The following EZH2 variants were observed in gnomAD, a reference collection of about 807,000 sequenced individuals.
The protein encoded by EZH2 is histone-lysine N-methyltransferase EZH2.
Under a neutral mutation model 98.4 loss-of-function variants are expected in EZH2, and 18 were observed. The ratio of observed to expected loss-of-function variants is 0.18; its 90% CI spans 0.13 to 0.27. EZH2 has a LOEUF of 0.27. Among genes scored for constraint, EZH2 ranks in the 10% least tolerant of loss-of-function variants. EZH2 has a pLI of 1.00. For synonymous variants in EZH2, 338 were observed against 312.3 expected (o/e 1.08, Z -0.87); for missense variants, 470 against 935.1 (o/e 0.50, Z 6.49).
chr7:148,829,959 A>G (rs1808874430), intron 4 of EZH2, 111 bp from the exon 5 acceptor site: 2 of 708,302 alleles, frequency 2.8e-6, no homozygotes, highest in South Asian at 6.0e-5. Flanking sequence ...AGTTCTCCAG[A>G]TTTAAAATAC....
At chr7:148,864,307 G>A (rs1818121250) in intron 1 of EZH2, among the ~76,000 whole-genome samples, 2 of 152,124 alleles carry the variant, frequency 1.3e-5, no homozygotes, top group South Asian at 2.1e-4. Context: ...ACCAACTGAA[G>A]AACTGAACTA....
chr7:148,864,481 G>C (rs1182544965), intron 1 of EZH2, among the ~76,000 whole-genome samples: 3 of 152,090 alleles, frequency 2.0e-5, no homozygotes, highest in Admixed American at 2.0e-4. Context: ...CCAGGAGTTT[G>C]AGACCAGCCT....
intron 8 of EZH2, among the ~76,000 whole-genome samples, chr7:148,821,846 G>GTA (rs936647951): frequency 1.1e-4 from 16 of 151,998 alleles, no homozygotes; most frequent in African/African-American, 3.1e-4. Flanking sequence ...ATGTGTGTAT[G>GTA]TATATATATC....
intron 1 of EZH2, among the ~76,000 whole-genome samples, chr7:148,881,037 T>C (rs531437502): frequency 6.6e-6 from 1 of 152,376 alleles, no homozygotes; most frequent in African/African-American, 2.4e-5. Context: ...TCTCTGAATT[T>C]AATGAATTGC....
chr7:148,811,079 CTCCCTGTTG>C (rs1489583825), intron 16 of EZH2, among the ~76,000 whole-genome samples: 1 of 152,104 alleles, frequency 6.6e-6, no homozygotes, highest in African/African-American at 2.4e-5. Flanking sequence ...AGCTCTTGTT[CTCCCTGTTG>C]TCCCTAGACG....
At chr7:148,836,368 T>C (rs544339094) in intron 3 of EZH2, among the ~76,000 whole-genome samples, 1 of 152,336 alleles carries the variant, frequency 6.6e-6, no homozygotes. Context: ...CTTTCATTTA[T>C]GAAATATTCA....
chr7:148,829,622 C>T, intron 5 of EZH2, 106 bp downstream of exon 5: 1 of 1,289,638 alleles, frequency 7.8e-7, no homozygotes, highest in Non-Finnish European at 1.1e-6. Context: ...CAGTGCAAAA[C>T]TTAATTTTAA....
At chr7:148,860,984 T>C (rs895142810) in intron 1 of EZH2, among the ~76,000 whole-genome samples, 1 of 152,042 alleles carries the variant, frequency 6.6e-6, no homozygotes, top group African/African-American at 2.4e-5. Context: ...GTTTTTTATT[T>C]TTATTAAAAA....
intron 8 of EZH2, among the ~76,000 whole-genome samples, chr7:148,825,932 T>C (rs1807560709): frequency 6.6e-6 from 1 of 152,214 alleles, no homozygotes; most frequent in Non-Finnish European, 1.5e-5. Context: ...AAAAGTATTT[T>C]TGTATATACC....
rs900448345 is a variant in EZH2 at position 148,817,527 on chromosome 7, T to C, written c.1241-136A>G. 4.3e-5 allele frequency: 35 copies of C among 822,016 alleles called. No individual in the cohort carries two copies. In the Admixed American group the frequency reaches 1.0e-3, roughly 24 times the overall value. 50.9% of individuals were successfully genotyped at this position (822,016 alleles called of 1,614,324 possible). On this transcript the variant is annotated intron_variant, in intron 10 of 19. Coordinates refer to ENST00000320356, the MANE Select transcript of EZH2 (RefSeq NM_004456.5). The stretch of plus-strand genomic sequence containing the variant: ...CAATCGGCAAAACACTAACCCATCG[T>C]AGTTCACATTTTCCAACAAAACTAC...
At chr7:148,863,332 T>C (rs563661724) in intron 1 of EZH2, among the ~76,000 whole-genome samples, 7 of 152,228 alleles carry the variant, frequency 4.6e-5, no homozygotes, top group Admixed American at 4.6e-4. Context: ...AACAAGAGTA[T>C]ATGTGAAGAA....
At chr7:148,871,577 C>CTTT (rs376098406) in intron 1 of EZH2, among the ~76,000 whole-genome samples, 1 of 135,250 alleles carries the variant, frequency 7.4e-6, no homozygotes, top group Admixed American at 7.5e-5. Context: ...AGTGTATTTT[C>CTTT]TTTTTTTTTT....
At chr7:148,836,849 G>A (rs1357880791) in intron 3 of EZH2, 1 of 505,618 alleles carries the variant, frequency 2.0e-6, no homozygotes, top group Non-Finnish European at 3.9e-6. Flanking sequence ...ATAGGCGACT[G>A]TGTGGCTGGA....
At chr7:148,814,170 T>C in intron 14 of EZH2, 33 bp from the exon 15 acceptor site, 1 of 1,601,516 alleles carries the variant, frequency 6.2e-7, no homozygotes, top group East Asian at 2.2e-5. Context: ...TCTTCACTCA[T>C]CACCGTATGC....
chr7:148,839,054 A>AAGGAAGGAAGG (rs1349719361), intron 3 of EZH2, among the ~76,000 whole-genome samples: 35 of 6,098 alleles, frequency 5.7e-3, no homozygotes, highest in African/African-American at 9.2e-3. Flanking sequence ...TCTGTCAAAT[A>AAGGAAGGAAGG]AGGAAGGAAG....
At chr7:148,861,932 T>C (rs575859776) in intron 1 of EZH2, among the ~76,000 whole-genome samples, 1 of 152,244 alleles carries the variant, frequency 6.6e-6, no homozygotes, top group Non-Finnish European at 1.5e-5. Flanking sequence ...TATGTTGTTT[T>C]GGTTCAAGTA....
chr7:148,883,090 A>AC (rs1821243565), intron 1 of EZH2: 1 of 152,244 alleles, frequency 6.6e-6, no homozygotes, highest in Non-Finnish European at 1.5e-5. Context: ...GCTGAATGAC[A>AC]GTTGATTTCG....
chr7:148,845,938 A>T (rs1813899886), intron 3 of EZH2, among the ~76,000 whole-genome samples: 1 of 152,228 alleles, frequency 6.6e-6, no homozygotes, highest in African/African-American at 2.4e-5. Flanking sequence ...CCTTTCTTTG[A>T]AAATAGGAAA....
intron 2 of EZH2, among the ~76,000 whole-genome samples, chr7:148,846,867 TGTGTGTGTGTGTGTGTA>T (rs1332296510): frequency 6.7e-6 from 1 of 148,802 alleles, no homozygotes; most frequent in African/African-American, 2.6e-5. Context: ...TGTGTGTGTG[TGTGTGTGTGTGTGTGTA>T]TTTTTTTTTT....
Sources: allele counts gnomAD v4.1 joint callset (sites outside exome capture counted in the v4.1 genomes callset), GRCh38; gene constraint gnomAD v4.1.1; transcripts MANE v1.5; gene names NCBI Gene and HGNC (gene_info 2026-07-23, HGNC 2026-07-21).